STPG2: variants seen among roughly 807,000 people sequenced by gnomAD.
The protein encoded by STPG2 is sperm tail PG-rich repeat containing 2, also known as sperm-tail PG-rich repeat-containing protein 2.
Under a neutral mutation model 54.2 loss-of-function variants are expected in STPG2, and 56 were observed. The ratio of observed to expected loss-of-function variants is 1.03; its 90% CI spans 0.83 to 1.29. The LOEUF (loss-of-function observed/expected upper bound fraction) is 1.29, where lower values mean the gene tolerates loss of function less well. Ranked by LOEUF, STPG2 falls within the 50% of genes most tolerant of loss-of-function variation. STPG2 has a pLI of 0.00. For synonymous variants in STPG2, 200 were observed against 181.8 expected (o/e 1.10, Z -0.81); for missense variants, 596 against 544.9 (o/e 1.09, Z -0.93).
intron 5 of STPG2, among the ~76,000 whole-genome samples, chr4:98,060,176 C>A (rs966507764): frequency 2.6e-5 from 4 of 152,186 alleles, no homozygotes; most frequent in African/African-American, 9.7e-5. Flanking sequence ...AAACCCCAGT[C>A]TCAGCCCAAA....
intron 5 of STPG2, among the ~76,000 whole-genome samples, chr4:98,060,372 A>G (rs1458417759): frequency 6.6e-6 from 1 of 152,148 alleles, no homozygotes; most frequent in African/African-American, 2.4e-5. Flanking sequence ...AAGGTGAAAG[A>G]TCTCTACAAT....
At chr4:97,941,238 A>G (rs1336205926) in intron 8 of STPG2, among the ~76,000 whole-genome samples, 1 of 152,072 alleles carries the variant, frequency 6.6e-6, no homozygotes, top group Non-Finnish European at 1.5e-5. Flanking sequence ...GGAAGCTTCA[A>G]GGATATTTGC....
intron 8 of STPG2, among the ~76,000 whole-genome samples, chr4:97,860,885 C>T (rs1395280): frequency 6.6e-6 from 1 of 152,186 alleles, no homozygotes. Flanking sequence ...CAGCTTTTCC[C>T]CATTCAACAT....
chr4:98,117,460 T>C (rs1028530897), intron 3 of STPG2, among the ~76,000 whole-genome samples: 3 of 152,042 alleles, frequency 2.0e-5, no homozygotes, highest in Non-Finnish European at 4.4e-5. Flanking sequence ...TAATGTTTTT[T>C]CATCAAATTT....
At chr4:97,607,065 C>T (rs896608887) in intron 10 of STPG2, among the ~76,000 whole-genome samples, 2 of 151,838 alleles carry the variant, frequency 1.3e-5, no homozygotes, top group Admixed American at 1.3e-4. Flanking sequence ...CAGAAAGAAA[C>T]CTTCAATAAA....
At position 97,911,165 on chromosome 4, in the gene STPG2, A is replaced by G. The variant is rs546776249; in HGVS notation, c.1044+32732T>C. ...TGCAACCCACGAATAAGATCCCTTC[A>G]AGCCCAGGCCACCAGGGCCTTGGGT... On this transcript the variant is annotated intron_variant, in intron 8 of 10. Transcript: ENST00000295268. Among the ~76,000 whole-genome samples, 74 of 152,334 alleles carry G rather than the reference A, an allele frequency of 4.9e-4. 1 individual carries two copies. In the South Asian group the frequency reaches 0.015, roughly 32 times the overall value.
At chr4:97,635,523 C>G (rs980627839) in intron 10 of STPG2, among the ~76,000 whole-genome samples, 1 of 152,116 alleles carries the variant, frequency 6.6e-6, no homozygotes, top group Admixed American at 6.6e-5. Context: ...ACTAAATGCT[C>G]CAATTAAAAG....
At chr4:97,789,064 G>C (rs1327316631) in intron 9 of STPG2, among the ~76,000 whole-genome samples, 2 of 151,786 alleles carry the variant, frequency 1.3e-5, no homozygotes, top group African/African-American at 2.4e-5. Flanking sequence ...TGGTACATGG[G>C]AAAATCACTG....
At chr4:97,650,732 G>T (rs1476403957) in intron 10 of STPG2, among the ~76,000 whole-genome samples, 1 of 152,074 alleles carries the variant, frequency 6.6e-6, no homozygotes, top group African/African-American at 2.4e-5. Flanking sequence ...GATTGGGAGG[G>T]CCTAGAAGAA....
At chr4:97,854,422 A>T (rs72686427) in intron 8 of STPG2, among the ~76,000 whole-genome samples, 2,751 of 149,648 alleles carry the variant, frequency 0.018, 48 homozygotes, top group Non-Finnish European at 0.026. Context: ...ATAGATAAGC[A>T]CTACTTAAAC....
intron 4 of STPG2, among the ~76,000 whole-genome samples, chr4:97,481,275 T>C (rs1048480139): frequency 2.4e-4 from 36 of 151,584 alleles, no homozygotes; most frequent in African/African-American, 8.5e-4. Flanking sequence ...TATTTTGATA[T>C]CTGTAATTAT....
intron 10 of STPG2, among the ~76,000 whole-genome samples, chr4:97,603,040 A>G (rs549795785): frequency 1.3e-5 from 2 of 151,916 alleles, no homozygotes; most frequent in East Asian, 1.9e-4. Flanking sequence ...CCTATGAAAT[A>G]GAAACAAATA....
At chr4:97,643,262 C>T (rs1251592163) in intron 10 of STPG2, among the ~76,000 whole-genome samples, 1 of 151,432 alleles carries the variant, frequency 6.6e-6, no homozygotes, top group African/African-American at 2.4e-5. Flanking sequence ...CCAAAATTAT[C>T]TCCATTTTCT....
intron 10 of STPG2, among the ~76,000 whole-genome samples, chr4:97,603,363 G>T (rs562145298): frequency 8.5e-4 from 129 of 151,728 alleles, no homozygotes; most frequent in African/African-American, 3.1e-3. Flanking sequence ...CATGGCTGTT[G>T]GGAATGTAGA....
chr4:97,445,995 C>T (rs1578304152), intron 4 of STPG2, among the ~76,000 whole-genome samples: 1 of 152,054 alleles, frequency 6.6e-6, no homozygotes, highest in African/African-American at 2.4e-5. Context: ...TGTTACAGTC[C>T]TTATTATATA....
chr4:97,576,180 T>C (rs146806628), intron 10 of STPG2, among the ~76,000 whole-genome samples: 2 of 151,854 alleles, frequency 1.3e-5, no homozygotes, highest in Admixed American at 6.6e-5. Context: ...AAAATGGCCA[T>C]GCTGCCCAAA....
chr4:97,688,637 AG>A (rs1435135338), intron 10 of STPG2, among the ~76,000 whole-genome samples: 1 of 152,140 alleles, frequency 6.6e-6, no homozygotes, highest in Non-Finnish European at 1.5e-5. Context: ...ATAAGATCTT[AG>A]GTCTTACTTA....
intron 10 of STPG2, among the ~76,000 whole-genome samples, chr4:97,702,645 G>C (rs937499644): frequency 6.6e-6 from 1 of 152,136 alleles, no homozygotes; most frequent in Non-Finnish European, 1.5e-5. Context: ...GGCAGCATGG[G>C]TCAAGAAGGA....
At chr4:97,963,870 T>C (rs763032862) in intron 7 of STPG2, among the ~76,000 whole-genome samples, 26 of 151,978 alleles carry the variant, frequency 1.7e-4, no homozygotes, top group Non-Finnish European at 2.6e-4. Flanking sequence ...TAATTTAGAG[T>C]ACATGTAGGT....
Sources: gnomAD v4.1 joint callset for allele counts (sites outside exome capture counted in the v4.1 genomes callset) on GRCh38, gnomAD v4.1.1 for gene constraint, MANE v1.5 for transcripts, NCBI Gene and HGNC (gene_info 2026-07-23, HGNC 2026-07-21) for gene names.